Variants in XRCC4 observed in about 807,000 individuals in gnomAD.
The protein encoded by XRCC4 is X-ray repair cross complementing 4.
A neutral mutation model predicts 39.1 loss-of-function variants in XRCC4; 28 were observed. The observed-to-expected ratio is 0.72, with a 90% CI of 0.53 to 0.98. The LOEUF (loss-of-function observed/expected upper bound fraction) is 0.98. Among genes scored for constraint, XRCC4 ranks in the 50% least tolerant of loss-of-function variants. XRCC4 has a pLI of 0.00. For missense variants in XRCC4, 350 were observed against 376.4 expected, an observed-to-expected ratio of 0.93 and a Z score of 0.58; for synonymous variants, 123 against 126.4, an observed-to-expected ratio of 0.97 and a Z score of 0.18.
intron 3 of XRCC4, among the ~76,000 whole-genome samples, chr5:83,192,056 A>G (rs900086290): frequency 2.6e-5 from 4 of 151,250 alleles, no homozygotes; most frequent in Non-Finnish European, 4.4e-5. Flanking sequence ...TCTGAAATTG[A>G]TGATTTTTAA....
At chr5:83,178,074 A>C (rs116484268) in intron 3 of XRCC4, among the ~76,000 whole-genome samples, 65 of 152,198 alleles carry the variant, frequency 4.3e-4, no homozygotes, top group South Asian at 1.0e-3. Context: ...TGGTGACTAA[A>C]TGGATGAGGG....
chr5:83,268,947 C>G (rs1754045495), intron 7 of XRCC4, among the ~76,000 whole-genome samples: 1 of 152,074 alleles, frequency 6.6e-6, no homozygotes, highest in Admixed American at 6.6e-5. Flanking sequence ...TGATAATTTT[C>G]TATTGAAGTT....
intron 6 of XRCC4, among the ~76,000 whole-genome samples, chr5:83,240,373 G>A (rs376067951): frequency 6.6e-6 from 1 of 151,912 alleles, no homozygotes; most frequent in Non-Finnish European, 1.5e-5. Context: ...AGACACAAGG[G>A]GTATTGGATC....
intron 7 of XRCC4, among the ~76,000 whole-genome samples, chr5:83,308,846 CTG>C (rs1395845852): frequency 6.6e-6 from 1 of 151,976 alleles, no homozygotes; most frequent in Non-Finnish European, 1.5e-5. Context: ...ATAATTATTT[CTG>C]TTATCTAATA....
rs141468041 is a variant in XRCC4 at position 83,276,780 on chromosome 5, A to G, written c.893+18103A>G. ...AATCTTGTTATAATTTGTTGCTTATAACAGAATCTTGTTATAATTTGTTGC... is the reference window on the plus strand; with the variant it reads ...AATCTTGTTATAATTTGTTGCTTATGACAGAATCTTGTTATAATTTGTTGC... On this transcript the variant is annotated intron_variant, in intron 7 of 7. Transcript: ENST00000396027. Among the ~76,000 whole-genome samples the G allele has an allele frequency of 5.2e-3, 758 of 146,788 alleles. 70 individuals are homozygous for G. The highest frequency in any genetic ancestry group is 0.021 in the East Asian group (96 of 4,582).
intron 7 of XRCC4, among the ~76,000 whole-genome samples, chr5:83,266,361 A>G (rs1309167982): frequency 6.6e-6 from 1 of 150,960 alleles, no homozygotes; most frequent in Non-Finnish European, 1.5e-5. Context: ...GTCCGTAGTA[A>G]AAATTATGAA....
intron 3 of XRCC4, among the ~76,000 whole-genome samples, chr5:83,124,836 C>T (rs1453084190): frequency 6.6e-6 from 1 of 151,880 alleles, no homozygotes; most frequent in Admixed American, 6.6e-5. Flanking sequence ...GGTTGCTGAC[C>T]CCTGCTCTAG....
chr5:83,212,938 A>T (rs1269222211), intron 6 of XRCC4, among the ~76,000 whole-genome samples: 2 of 149,860 alleles, frequency 1.3e-5, no homozygotes, highest in East Asian at 2.2e-4. Flanking sequence ...AAAAAAAAAA[A>T]AAACACCAAA....
Position 83,277,522 on chromosome 5 carries a change from T to G in XRCC4, c.893+18845T>G, listed in dbSNP as rs139953091. Among the ~76,000 whole-genome samples the G allele has an allele frequency of 3.4e-3, 519 of 152,334 alleles. 3 individuals are homozygous for G. The highest frequency in any genetic ancestry group is 0.024 in the Middle Eastern group (7 of 294). ...TTCAATCCACTGACATGTTGGGGTA[T>G]TTGTTACTGTATATAACCCGACCTA... On this transcript the variant is annotated intron_variant, in intron 7 of 7. Transcript: ENST00000396027.
intron 6 of XRCC4, 38 bp downstream of exon 6, chr5:83,204,959 C>T: frequency 7.4e-7 from 1 of 1,351,266 alleles, no homozygotes; most frequent in Non-Finnish European, 1.0e-6. Flanking sequence ...TGTTGAATAT[C>T]TTATTTGGGC....
intron 6 of XRCC4, among the ~76,000 whole-genome samples, chr5:83,239,838 A>AAAAAT (rs1183224735): frequency 6.6e-6 from 1 of 151,870 alleles, no homozygotes; most frequent in East Asian, 1.9e-4. Flanking sequence ...CAAAAAAAAA[A>AAAAAT]AAAATATTTT....
chr5:83,337,329 T>C (rs1756624195), intron 7 of XRCC4, among the ~76,000 whole-genome samples: 1 of 152,134 alleles, frequency 6.6e-6, no homozygotes, highest in Non-Finnish European at 1.5e-5. Context: ...CTCCTTCCAT[T>C]GAGAGGTAGT....
chr5:83,274,623 G>T (rs1222928628), intron 7 of XRCC4, among the ~76,000 whole-genome samples: 1 of 152,160 alleles, frequency 6.6e-6, no homozygotes, highest in Non-Finnish European at 1.5e-5. Flanking sequence ...GTGATGAGGT[G>T]GTTCCTTTTT....
chr5:83,307,410 T>G (rs1437064307), intron 7 of XRCC4, among the ~76,000 whole-genome samples: 1 of 152,214 alleles, frequency 6.6e-6, no homozygotes, highest in Non-Finnish European at 1.5e-5. Context: ...CTGAATATAC[T>G]TACAGTTTAG....
At chr5:83,116,564 T>G (rs1746718207) in intron 3 of XRCC4, among the ~76,000 whole-genome samples, 1 of 151,106 alleles carries the variant, frequency 6.6e-6, no homozygotes, top group East Asian at 1.9e-4. Flanking sequence ...GAAAATCCTG[T>G]CTTATGTTTT....
chr5:83,146,962 A>C (rs1437630821), intron 3 of XRCC4, among the ~76,000 whole-genome samples: 1 of 152,234 alleles, frequency 6.6e-6, no homozygotes, highest in Admixed American at 6.5e-5. Context: ...GGAAGAGAGA[A>C]TATTAAGCAA....
At chr5:83,180,347 C>CAT (rs1750150584) in intron 3 of XRCC4, among the ~76,000 whole-genome samples, 1 of 152,056 alleles carries the variant, frequency 6.6e-6, no homozygotes, top group Non-Finnish European at 1.5e-5. Context: ...AGGTTATAGT[C>CAT]AGAGTGGGGA....
intron 3 of XRCC4, among the ~76,000 whole-genome samples, chr5:83,111,947 T>TAATACA (rs1244617298): frequency 1.3e-5 from 2 of 152,122 alleles, no homozygotes; most frequent in Non-Finnish European, 2.9e-5. Flanking sequence ...TTAACAGAAA[T>TAATACA]GTATTGAGAA....
chr5:83,200,645 C>G (rs1439119866), intron 4 of XRCC4, among the ~76,000 whole-genome samples: 1 of 152,078 alleles, frequency 6.6e-6, no homozygotes, highest in Non-Finnish European at 1.5e-5. Context: ...ATTGAAGTGA[C>G]TTATATGGAA....
Sources: gnomAD v4.1 joint callset for allele counts (sites outside exome capture counted in the v4.1 genomes callset) on GRCh38, gnomAD v4.1.1 for gene constraint, MANE v1.5 for transcripts, NCBI Gene and HGNC (gene_info 2026-07-23, HGNC 2026-07-21) for gene names.